Variants in ENOPH1 observed in about 807,000 individuals in gnomAD.
ENOPH1 encodes enolase-phosphatase 1, also known as enolase-phosphatase E1.
A neutral mutation model predicts 31.1 loss-of-function variants in ENOPH1; 14 were observed. The ratio of observed to expected loss-of-function variants is 0.45; its 90% CI spans 0.30 to 0.70. The LOEUF is 0.70. Among genes scored for constraint, ENOPH1 ranks in the 30% least tolerant of loss-of-function variants. ENOPH1 has a pLI of 0.09. For missense variants in ENOPH1, 243 were observed against 321.5 expected (o/e 0.76, Z 1.87); for synonymous variants, 127 against 123.2 (o/e 1.03, Z -0.21).
In ENOPH1 at chr4:82,430,929, G is replaced by C; in HGVS notation, c.84+16G>C. On this transcript the variant is annotated intron_variant, in intron 1 of 5. Coordinates refer to ENST00000273920, the MANE Select transcript of ENOPH1 (RefSeq NM_021204.5). ...TTTCGTGAAGGTGAGGGGCGGAAGG[G>C]AGCGGGGATGTTACTTTTCCTTAAA... 1 of 1,607,152 alleles carries C rather than the reference G, an allele frequency of 6.2e-7. No individual in the cohort carries two copies. The highest frequency in any genetic ancestry group is 1.1e-5 in the South Asian group (1 of 90,914).
At chr4:82,450,586 T>C (rs1722323583) in intron 2 of ENOPH1, among the ~76,000 whole-genome samples, 1 of 152,248 alleles carries the variant, frequency 6.6e-6, no homozygotes, top group Non-Finnish European at 1.5e-5. Context: ...TGGGAGATTA[T>C]AGGAGACTGA....
intron 4 of ENOPH1, among the ~76,000 whole-genome samples, chr4:82,455,183 G>C (rs1722452404): frequency 6.6e-6 from 1 of 152,120 alleles, no homozygotes; most frequent in African/African-American, 2.4e-5. Flanking sequence ...AAGAAATATA[G>C]ATTTCATTTA....
At chr4:82,437,018 G>T (rs1321329692) in intron 1 of ENOPH1, among the ~76,000 whole-genome samples, 1 of 151,970 alleles carries the variant, frequency 6.6e-6, no homozygotes, top group East Asian at 1.9e-4. Flanking sequence ...GGAGGCAAAG[G>T]TTGGAGGATC....
chr4:82,442,481 T>C (rs537465643), intron 1 of ENOPH1, among the ~76,000 whole-genome samples: 1 of 152,160 alleles, frequency 6.6e-6, no homozygotes, highest in Admixed American at 6.5e-5. Context: ...GATCGCACCA[T>C]TGTATTCCAC....
chr4:82,444,358 A>C (rs1482738546), intron 1 of ENOPH1, among the ~76,000 whole-genome samples: 1 of 151,856 alleles, frequency 6.6e-6, no homozygotes, highest in Non-Finnish European at 1.5e-5. Context: ...AGTAGCTGGG[A>C]CTATAGGCGT....
In ENOPH1 at chr4:82,430,646, T is replaced by G; in HGVS notation, c.-184T>G. ...GTTCAGGGCTCCTGGGCGGCCGCCT[T>G]TTCCAGTTCCAGGTGTGCAGAAGTG... On this transcript the variant is annotated 5_prime_UTR_variant, in exon 1 of 6. Coordinates refer to ENST00000273920, the MANE Select transcript of ENOPH1 (RefSeq NM_021204.5). 1 of 583,672 alleles carries G rather than the reference T, an allele frequency of 1.7e-6. No individual in the cohort carries two copies. Among genetic ancestry groups the G allele is most frequent in the East Asian group, 2.9e-5 (1 of 34,580 alleles). The allele number at this position is 583,672 out of a possible 1,614,324, so 36.2% of individuals were successfully genotyped here.
intron 1 of ENOPH1, among the ~76,000 whole-genome samples, chr4:82,433,616 T>C (rs1721832218): frequency 6.6e-6 from 1 of 152,236 alleles, no homozygotes; most frequent in Non-Finnish European, 1.5e-5. Context: ...TGGATGTTTA[T>C]GGTAATTATG....
intron 4 of ENOPH1, 46 bp downstream of exon 4, chr4:82,454,900 A>C: frequency 3.2e-6 from 5 of 1,563,444 alleles, no homozygotes; most frequent in Non-Finnish European, 4.3e-6. Flanking sequence ...ATCAAAGCAT[A>C]AAATAATGAA....
chr4:82,430,777 C>T lies in ENOPH1; in HGVS notation c.-53C>T, dbSNP rs560213239. The T allele has an allele frequency of 1.9e-6, 3 of 1,555,484 alleles. No individual in the cohort carries two copies. The highest frequency in any genetic ancestry group is 2.7e-5 in the African/African-American group (2 of 73,788). ...CGGGGGCCGCAGCCGCAGCCGGCGCCGCCCTCCGCCCTCCCCAACAGCAGG... is the reference window on the plus strand; with the variant it reads ...CGGGGGCCGCAGCCGCAGCCGGCGCTGCCCTCCGCCCTCCCCAACAGCAGG... On this transcript the variant is annotated 5_prime_UTR_variant, in exon 1 of 6. Coordinates refer to ENST00000273920, the MANE Select transcript of ENOPH1 (RefSeq NM_021204.5).
intron 1 of ENOPH1, among the ~76,000 whole-genome samples, chr4:82,437,274 G>C (rs1172009509): frequency 6.6e-6 from 1 of 152,160 alleles, no homozygotes; most frequent in East Asian, 1.9e-4. Flanking sequence ...TTAAGACCCA[G>C]CTGTCACCCT....
At chr4:82,459,825 TCAAC>T (rs1722598528) in intron 5 of ENOPH1, among the ~76,000 whole-genome samples, 152 bp from the exon 6 acceptor site, 1 of 152,164 alleles carries the variant, frequency 6.6e-6, no homozygotes, top group Admixed American at 6.5e-5. Context: ...AATAATATAG[TCAAC>T]CCCAGGGTGC....
chr4:82,450,985 T>C lies in ENOPH1; in HGVS notation c.187-58T>C, dbSNP rs1328268849. On this transcript the variant is annotated intron_variant, in intron 2 of 5. Transcript: ENST00000273920. Reference sequence around the variant, plus strand: ...TCTGCTGGGTTTTTGGGTCTCGTTTTAAATGACTGTTTTTTGAATAAGCAA... The same window carrying C: ...TCTGCTGGGTTTTTGGGTCTCGTTTCAAATGACTGTTTTTTGAATAAGCAA... 7 of 1,504,968 alleles carry C rather than the reference T, an allele frequency of 4.7e-6. No homozygotes were observed. In the Admixed American group the frequency reaches 1.0e-4, roughly 22 times the overall value. 93.2% of individuals were successfully genotyped at this position (1,504,968 alleles called of 1,614,324 possible). A position where few individuals can be genotyped will look rare whatever the true frequency, so the allele number is the denominator to read the frequency against.
intron 3 of ENOPH1, 47 bp from the exon 4 acceptor site, chr4:82,454,675 G>A (rs1722437465): frequency 4.4e-6 from 7 of 1,592,386 alleles, no homozygotes; most frequent in Non-Finnish European, 6.0e-6. Context: ...TTTTTATCTG[G>A]CTAGATGAGG....
chr4:82,437,806 A>G (rs895222874), intron 1 of ENOPH1, among the ~76,000 whole-genome samples: 1 of 152,238 alleles, frequency 6.6e-6, no homozygotes, highest in Non-Finnish European at 1.5e-5. Context: ...CACATCAGGC[A>G]TGCTGTAACA....
intron 1 of ENOPH1, among the ~76,000 whole-genome samples, chr4:82,431,442 GCA>G (rs1368321467): frequency 2.0e-5 from 3 of 152,200 alleles, no homozygotes; most frequent in Non-Finnish European, 4.4e-5. Flanking sequence ...TGGCCAAACT[GCA>G]CAGTGTATTA....
chr4:82,455,616 T>A (rs1189939349), intron 4 of ENOPH1, among the ~76,000 whole-genome samples: 1 of 100,046 alleles, frequency 1.0e-5, no homozygotes, highest in African/African-American at 5.5e-5. Flanking sequence ...CCGTCTCTAC[T>A]AAAAATACAA....
At chr4:82,449,539 A>C (rs1024595190) in intron 2 of ENOPH1, among the ~76,000 whole-genome samples, 6 of 152,100 alleles carry the variant, frequency 3.9e-5, no homozygotes, top group African/African-American at 1.4e-4. Flanking sequence ...GAGGTGCTAC[A>C]CACTTTAAAA....
At chr4:82,452,820 C>T (rs1316533382) in intron 3 of ENOPH1, among the ~76,000 whole-genome samples, 1 of 151,812 alleles carries the variant, frequency 6.6e-6, no homozygotes, top group Non-Finnish European at 1.5e-5. Flanking sequence ...CTCCTGAGCT[C>T]AGGGCAGTCC....
intron 1 of ENOPH1, among the ~76,000 whole-genome samples, chr4:82,445,568 A>G (rs886271094): frequency 2.0e-5 from 3 of 152,110 alleles, no homozygotes; most frequent in South Asian, 4.1e-4. Flanking sequence ...TAATTCTCCT[A>G]TCTCAGCCCC....
Sources: gnomAD v4.1 joint callset for allele counts (sites outside exome capture counted in the v4.1 genomes callset) on GRCh38, gnomAD v4.1.1 for gene constraint, MANE v1.5 for transcripts, NCBI Gene and HGNC (gene_info 2026-07-23, HGNC 2026-07-21) for gene names.